The following TRPM2 variants were observed in gnomAD, a reference collection of about 807,000 sequenced individuals.
TRPM2 encodes estrogen-responsive element-associated gene 1 protein.
In TRPM2, 161 loss-of-function variants were observed where a neutral mutation model predicts 174.0. That is an observed-to-expected ratio of 0.93 (90% CI 0.81 to 1.05). The LOEUF (loss-of-function observed/expected upper bound fraction) is 1.05. Among genes scored for constraint, TRPM2 ranks in the 50% least tolerant of loss-of-function variants. The pLI is 0.00. For missense variants in TRPM2, 2,057 were observed against 2,038.0 expected (o/e 1.01, Z -0.18); for synonymous variants, 954 against 861.3 (o/e 1.11, Z -1.88).
In TRPM2 at chr21:44,396,613, AGGCTGTGGAGGGGTGTGGAG is replaced by A. The variant is rs749975471; in HGVS notation, c.1932+1085_1933-1092del. Among the ~76,000 whole-genome samples the A allele has an allele frequency of 9.6e-4, 19 of 19,830 alleles. 1 individual carries two copies. Among genetic ancestry groups the A allele is most frequent in the Admixed American group, 1.3e-3 (2 of 1,556 alleles). The allele number at this position is 19,830 out of a possible 152,430, so 13.0% of individuals were successfully genotyped here. A position where few individuals can be genotyped will look rare whatever the true frequency, so the allele number is the denominator to read the frequency against. On this transcript the variant is annotated intron_variant, in intron 12 of 31. Transcript: ENST00000397928. ...TGTAGAGGGGTGTAGAGGGTTGTGGAGGCTGTGGAGGGGTGTGGAGGGCTGTGGAGGGGTGTGGAGGGGTG... is the reference window on the plus strand; with the variant it reads ...TGTAGAGGGGTGTAGAGGGTTGTGGAGGCTGTGGAGGGGTGTGGAGGGGTG...
intron 17 of TRPM2, 27 bp downstream of exon 17, chr21:44,405,287 C>A (rs755102095): frequency 6.2e-7 from 1 of 1,609,692 alleles, no homozygotes; most frequent in East Asian, 2.2e-5. Flanking sequence ...CGATGGCGGG[C>A]CCGTCTGAGG....
At chr21:44,426,102 C>T (rs1037988630) in intron 25 of TRPM2, among the ~76,000 whole-genome samples, 19 of 152,174 alleles carry the variant, frequency 1.2e-4, no homozygotes, top group African/African-American at 4.6e-4. Context: ...CCATGACCAT[C>T]CCAGGGCCCA....
rs1218370510 is a variant in TRPM2, at chr21:44,430,650, C to G, written c.3974+3539C>G. On this transcript the variant is annotated intron_variant, in intron 27 of 31. Coordinates refer to ENST00000397928, the MANE Select transcript of TRPM2 (RefSeq NM_003307.4). ...TTCACCTTGTTAGCCAGGATGGTCT[C>G]GATCTTCTGACCTCATGATCCACCC... Among the ~76,000 whole-genome samples, 2 of 9,402 alleles carry G rather than the reference C, an allele frequency of 2.1e-4. 1 individual carries two copies. Among genetic ancestry groups the G allele is most frequent in the Non-Finnish European group, 4.5e-4 (2 of 4,456 alleles). 6.2% of individuals were successfully genotyped at this position (9,402 alleles called of 152,430 possible).
At chr21:44,427,523 G>A (rs376283380) in intron 27 of TRPM2, among the ~76,000 whole-genome samples, 100 of 152,286 alleles carry the variant, frequency 6.6e-4, no homozygotes, top group African/African-American at 2.2e-3. Context: ...CCACAGGATC[G>A]GCGCTGCACC....
At chr21:44,386,766 A>C (rs1435081393) in intron 9 of TRPM2, among the ~76,000 whole-genome samples, 1 of 151,608 alleles carries the variant, frequency 6.6e-6, no homozygotes, top group Non-Finnish European at 1.5e-5. Context: ...ATTCATGTGG[A>C]GTCTAAAGGG....
Position 44,376,119 on chromosome 21 carries a change from T to C in TRPM2, c.952+106T>C. On this transcript the variant is annotated intron_variant, in intron 6 of 31. Coordinates refer to ENST00000397928, the MANE Select transcript of TRPM2 (RefSeq NM_003307.4). The surrounding 1 kb of genome is among the most constrained non-coding windows in gnomAD (Gnocchi z 4.2). ...CAGGACGTTCAACAGGCCTGGCGTT[T>C]GGCAGAGAGTGCAGTGGGCTGGTCA... 1.5e-6 allele frequency: 2 copies of C among 1,357,714 alleles called. No homozygotes were observed. The highest frequency in any genetic ancestry group is 2.0e-6 in the Non-Finnish European group (2 of 994,882). The allele number at this position is 1,357,714 out of a possible 1,614,324, so 84.1% of individuals were successfully genotyped here.
intron 8 of TRPM2, 136 bp from the exon 9 acceptor site, chr21:44,382,582 T>G: frequency 5.8e-6 from 4 of 690,232 alleles, no homozygotes; most frequent in African/African-American, 1.8e-5. Flanking sequence ...CAAGAGGAGA[T>G]GTGGTGGTGT....
In TRPM2 at chr21:44,367,081, C is replaced by T. The variant is rs2048385563; in HGVS notation, c.604+147C>T. On this transcript the variant is annotated intron_variant, in intron 4 of 31. Coordinates refer to ENST00000397928, the MANE Select transcript of TRPM2 (RefSeq NM_003307.4). The surrounding 1 kb of genome is among the most constrained non-coding windows in gnomAD (Gnocchi z 4.6). ...CAGCCTGAGTCGGACCCATGCACCTCTCACCTGGGCACAGCTGCTCCCTGA... is the reference window on the plus strand; with the variant it reads ...CAGCCTGAGTCGGACCCATGCACCTTTCACCTGGGCACAGCTGCTCCCTGA... 1.0e-6 allele frequency: 1 copy of T among 974,372 alleles called. No individual in the cohort carries two copies. Among genetic ancestry groups the T allele is most frequent in the Non-Finnish European group, 1.5e-6 (1 of 680,518 alleles). 60.4% of individuals were successfully genotyped at this position (974,372 alleles called of 1,614,324 possible).
Position 44,406,638 on chromosome 21 carries a change from G to A in TRPM2, c.2835G>A (p.Val945=). ...TCCTCTTCCTGCTGGCTGTGTGGGT[G>A]GTGTCCTTCGGGGTGGCCAAGCAGG... ...FFFLFLLAVW[V]VSFGVAKQAI... is the part of the protein sequence containing the mutation. Residue 945 remains valine (V), a synonymous_variant, in exon 19 of 32, where the codon GTG becomes GTA. Coordinates refer to ENST00000397928, the MANE Select transcript of TRPM2 (RefSeq NM_003307.4). 2 of 1,610,880 alleles carry A rather than the reference G, an allele frequency of 1.2e-6. No individual in the cohort carries two copies. Among genetic ancestry groups the A allele is most frequent in the Non-Finnish European group, 1.7e-6 (2 of 1,179,470 alleles).
At chr21:44,415,663 C>T (rs1345447018) in intron 20 of TRPM2, 1 of 152,144 alleles carries the variant, frequency 6.6e-6, no homozygotes, top group East Asian at 1.9e-4. Context: ...GTAGCTGTTT[C>T]TTCTCTTTGA....
rs374330299 is a variant in TRPM2, at chr21:44,400,436, G to A, written c.2321+65G>A. 1.8e-3 allele frequency: 2,500 copies of A among 1,398,326 alleles called. 5 individuals are homozygous for A. Among genetic ancestry groups the A allele is most frequent in the Non-Finnish European group, 2.1e-3 (2,153 of 1,013,054 alleles). The allele number at this position is 1,398,326 out of a possible 1,614,324, so 86.6% of individuals were successfully genotyped here. ...GGGGCTGCGGGAGAGGCTCCTGGGG[G>A]CTCAGGATCTTCCCTAGATCCCCTC... On this transcript the variant is annotated intron_variant, in intron 15 of 31. Transcript: ENST00000397928.
upstream of TRPM2, among the ~76,000 whole-genome samples, chr21:44,351,463 T>C (rs2047924986): frequency 1.3e-5 from 2 of 152,246 alleles, no homozygotes; most frequent in South Asian, 2.1e-4. Flanking sequence ...GCCTGCTTCA[T>C]GCATCTGTCT....
At chr21:44,365,969 T>C (rs2048347977) in intron 3 of TRPM2, among the ~76,000 whole-genome samples, 1 of 152,184 alleles carries the variant, frequency 6.6e-6, no homozygotes, top group South Asian at 2.1e-4. Context: ...ACATGGTTGT[T>C]TTGAGGGCAC....
rs145895219 is a variant in TRPM2, at chr21:44,441,707, G to A, written c.4402G>A (p.Asp1468Asn). ...NRLNSNLHAC[D>N]SGASIRWQVV... ...GTTCTTCCAGAACCTGCACGCCTGC[G>A]ACTCGGGGGCCTCCATCCGATGGCA... Residue 1468 changes from aspartate to asparagine, a missense_variant, in exon 32 of 32, where the codon GAC (aspartate) becomes AAC (asparagine). Coordinates refer to ENST00000397928, the MANE Select transcript of TRPM2 (RefSeq NM_003307.4). 295 of 1,610,886 alleles carry A rather than the reference G, an allele frequency of 1.8e-4. No individual in the cohort carries two copies. Among genetic ancestry groups the A allele is most frequent in the Non-Finnish European group, 2.4e-4 (278 of 1,178,868 alleles).
At chr21:44,361,687 G>T (rs1233728866) in intron 2 of TRPM2, among the ~76,000 whole-genome samples, 1 of 151,026 alleles carries the variant, frequency 6.6e-6, no homozygotes, top group African/African-American at 2.4e-5. Flanking sequence ...ACATTTTTTA[G>T]AATTCTATTT....
chr21:44,414,801 G>A (rs1420446581), intron 20 of TRPM2: 1 of 152,190 alleles, frequency 6.6e-6, no homozygotes, highest in African/African-American at 2.4e-5. Context: ...TTTGGGCGGA[G>A]TTACTGGGAC....
At chr21:44,437,243 C>G in intron 29 of TRPM2, 76 bp downstream of exon 29, 1 of 1,381,968 alleles carries the variant, frequency 7.2e-7, no homozygotes, top group Non-Finnish European at 1.0e-6. Flanking sequence ...ATTCTGCCCA[C>G]GGACTGGACA....
chr21:44,437,404 G>A (rs552553860), intron 29 of TRPM2, among the ~76,000 whole-genome samples: 4 of 152,292 alleles, frequency 2.6e-5, no homozygotes, highest in East Asian at 1.9e-4. Flanking sequence ...AAACACTAAC[G>A]GGGCACCTAC....
rs780529333 is a variant in TRPM2 at position 44,406,051 on chromosome 21, G to A, written c.2790+14G>A. On this transcript the variant is annotated intron_variant, in intron 18 of 31. Coordinates refer to ENST00000397928, the MANE Select transcript of TRPM2 (RefSeq NM_003307.4). Reference sequence around the variant, plus strand: ...GTGAAGCGGATGGTAAGGGGGCGGGGGCACCGGCTCCATCGCGGCCTGCAG... The same window carrying A: ...GTGAAGCGGATGGTAAGGGGGCGGGAGCACCGGCTCCATCGCGGCCTGCAG... 2 of 1,603,014 alleles carry A rather than the reference G, an allele frequency of 1.2e-6. No homozygotes were observed. The highest frequency in any genetic ancestry group is 1.1e-5 in the South Asian group (1 of 91,060).
Sources: gnomAD v4.1 joint callset for allele counts (sites outside exome capture counted in the v4.1 genomes callset) on GRCh38, gnomAD v4.1.1 for gene constraint, Gnocchi (gnomAD v3.1) non-coding constraint, MANE v1.5 for transcripts, NCBI Gene and HGNC (gene_info 2026-07-23, HGNC 2026-07-21) for gene names.